EPHB2: variants seen among roughly 807,000 people sequenced by gnomAD.
EPHB2 encodes ephrin type-B receptor 2.
Under a neutral mutation model 96.4 loss-of-function variants are expected in EPHB2, and 18 were observed. The observed-to-expected ratio is 0.19, with a 90% CI of 0.13 to 0.28. The LOEUF (loss-of-function observed/expected upper bound fraction) is 0.28. Ranked by LOEUF, EPHB2 falls within the 10% of genes least tolerant of loss-of-function variation. EPHB2 has a pLI of 1.00. For missense variants in EPHB2, 989 were observed against 1,355.4 expected, an observed-to-expected ratio of 0.73 and a Z score of 4.25; for synonymous variants, 506 against 534.1, an observed-to-expected ratio of 0.95 and a Z score of 0.72.
rs146702623 is a variant in EPHB2 at position 22,913,091 on chromosome 1, G to T, written c.2853-371G>T. 159 of 367,086 alleles carry T rather than the reference G, an allele frequency of 4.3e-4. No homozygotes were observed. The highest frequency in any genetic ancestry group is 2.4e-3 in the African/African-American group (113 of 47,908). 22.7% of individuals were successfully genotyped at this position (367,086 alleles called of 1,614,324 possible). ...ACCTGTAATGCCAGCTACTCGGGAG[G>T]CTGAGGCAGGGGAATTGCTTGAACC... On this transcript the variant is annotated intron_variant, in intron 15 of 15. Coordinates refer to ENST00000374630, the MANE Select transcript of EPHB2 (RefSeq NM_017449.5). This position sits in a 1 kb window ranked among gnomAD's most constrained non-coding sequence, Gnocchi z 4.1.
Position 22,733,523 on chromosome 1 carries a change from G to A in EPHB2, c.61+22480G>A, listed in dbSNP as rs1009130307. ...AGTCATTTTAAAGGATTGATTTTAC[G>A]GAGTAGTTTTGCACGGTGGAAATCA... On this transcript the variant is annotated intron_variant, in intron 1 of 15. Transcript: ENST00000374630. The surrounding 1 kb of genome is among the most constrained non-coding windows in gnomAD (Gnocchi z 4.6). Among the ~76,000 whole-genome samples, 3 of 152,136 alleles carry A rather than the reference G, an allele frequency of 2.0e-5. No individual in the cohort carries two copies. Among genetic ancestry groups the A allele is most frequent in the South Asian group, 2.1e-4 (1 of 4,822 alleles).
At chr1:22,903,018 G>A (rs538058796) in intron 9 of EPHB2, among the ~76,000 whole-genome samples, 19 of 152,356 alleles carry the variant, frequency 1.2e-4, no homozygotes, top group African/African-American at 4.1e-4. Flanking sequence ...GAAACCCCTG[G>A]GTCAATAAGT....
rs569960708 is a variant in EPHB2, at chr1:22,906,731, G to A, written c.1910G>A (p.Ser637Asn). The stretch of plus-strand genomic sequence containing the variant: ...TCAGGGGAGTTTGGCGAGGTCTGCA[G>A]TGGCCACCTGAAGCTGCCAGGCAAG... Reference protein sequence around the residue: ...IGAGEFGEVCSGHLKLPGKRE... With the variant: ...IGAGEFGEVCNGHLKLPGKRE... Residue 637 changes from serine to asparagine, a missense_variant, in exon 11 of 16, where the codon AGT becomes AAT. Coordinates refer to ENST00000374630, the MANE Select transcript of EPHB2 (RefSeq NM_017449.5). The surrounding 1 kb of genome is among the most constrained non-coding windows in gnomAD (Gnocchi z 4.8). 1.2e-6 allele frequency: 2 copies of A among 1,614,212 alleles called. No individual in the cohort carries two copies. Among genetic ancestry groups the A allele is most frequent in the South Asian group, 1.1e-5 (1 of 91,080 alleles).
At chr1:22,857,341 T>C (rs1440914994) in intron 3 of EPHB2, among the ~76,000 whole-genome samples, 2 of 152,104 alleles carry the variant, frequency 1.3e-5, no homozygotes, top group Non-Finnish European at 2.9e-5. Flanking sequence ...AGATGTGAGC[T>C]GGCGCTGTAG....
At chr1:22,786,677 C>G (rs575941276) in intron 3 of EPHB2, among the ~76,000 whole-genome samples, 2 of 152,258 alleles carry the variant, frequency 1.3e-5, no homozygotes, top group East Asian at 3.9e-4. Flanking sequence ...TCTCAAGAGA[C>G]AGCCTGGAGT....
chr1:22,889,526 G>C (rs1400602548), intron 6 of EPHB2, among the ~76,000 whole-genome samples: 1 of 152,212 alleles, frequency 6.6e-6, no homozygotes, highest in African/African-American at 2.4e-5. Flanking sequence ...AACCTGGGGG[G>C]ATCCAGAGAT....
intron 1 of EPHB2, among the ~76,000 whole-genome samples, chr1:22,748,040 G>C (rs1157462716): frequency 1.3e-5 from 2 of 152,204 alleles, no homozygotes; most frequent in East Asian, 1.9e-4. Flanking sequence ...GAATTTCCTA[G>C]TTCACATCCT....
intron 15 of EPHB2, 77 bp downstream of exon 15, chr1:22,912,676 G>A (rs1056594110): frequency 3.3e-5 from 53 of 1,594,352 alleles, no homozygotes; most frequent in Non-Finnish European, 4.2e-5. Context: ...GGGGTGATCT[G>A]GAGGGTGAGG....
At chr1:22,722,511 C>G (rs913837083) in intron 1 of EPHB2, among the ~76,000 whole-genome samples, 1 of 152,176 alleles carries the variant, frequency 6.6e-6, no homozygotes, top group Admixed American at 6.5e-5. Flanking sequence ...CTGTTAGGCA[C>G]TGGGAGGTGT....
chr1:22,845,116 C>A (rs887229470), intron 3 of EPHB2, among the ~76,000 whole-genome samples: 1 of 152,164 alleles, frequency 6.6e-6, no homozygotes, highest in Non-Finnish European at 1.5e-5. Flanking sequence ...GAGTGGTGAG[C>A]GAGCAGTGGC....
chr1:22,799,347 A>G (rs2148444949), intron 3 of EPHB2, among the ~76,000 whole-genome samples: 1 of 152,292 alleles, frequency 6.6e-6, no homozygotes, highest in Middle Eastern at 3.4e-3. Context: ...GGTTTAGCAA[A>G]ATAGGTAAGA....
rs148914922 is a variant in EPHB2, at chr1:22,733,652, G to A, written c.61+22609G>A. Among the ~76,000 whole-genome samples, 1 of 152,320 alleles carries A rather than the reference G, an allele frequency of 6.6e-6. No homozygotes were observed. Among genetic ancestry groups the A allele is most frequent in the East Asian group, 1.9e-4 (1 of 5,178 alleles). On this transcript the variant is annotated intron_variant, in intron 1 of 15. Transcript: ENST00000374630. This position sits in a 1 kb window ranked among gnomAD's most constrained non-coding sequence, Gnocchi z 4.6. The stretch of plus-strand genomic sequence containing the variant: ...TTTTAGAGGAAAACTGAATCTCTGA[G>A]AGGTTCAGTAAATTGCCCAAGGCCA...
chr1:22,779,209 C>T (rs1481914930), intron 1 of EPHB2, among the ~76,000 whole-genome samples: 1 of 152,176 alleles, frequency 6.6e-6, no homozygotes, highest in Non-Finnish European at 1.5e-5. Context: ...AAAAGGAACC[C>T]TTTTTTCAGC....
At chr1:22,804,337 G>C (rs1245039418) in intron 3 of EPHB2, among the ~76,000 whole-genome samples, 1 of 152,108 alleles carries the variant, frequency 6.6e-6, no homozygotes, top group African/African-American at 2.4e-5. Context: ...TCCTTACCTA[G>C]TGCCTTTAAG....
At chr1:22,888,734 A>G (rs918938255) in intron 6 of EPHB2, among the ~76,000 whole-genome samples, 2 of 152,196 alleles carry the variant, frequency 1.3e-5, no homozygotes, top group Non-Finnish European at 2.9e-5. Flanking sequence ...ATCAAATTTT[A>G]TCTTCACAAC....
intron 3 of EPHB2, among the ~76,000 whole-genome samples, chr1:22,824,592 C>A (rs566373952): frequency 6.6e-6 from 1 of 152,252 alleles, no homozygotes; most frequent in Admixed American, 6.5e-5. Flanking sequence ...GAGGCTGGGC[C>A]TGCCATTGGG....
intron 3 of EPHB2, among the ~76,000 whole-genome samples, chr1:22,786,642 G>T (rs1415689049): frequency 6.6e-6 from 1 of 152,220 alleles, no homozygotes; most frequent in Non-Finnish European, 1.5e-5. Flanking sequence ...GGAGGAAGGG[G>T]CCTATAAGGG....
intron 3 of EPHB2, among the ~76,000 whole-genome samples, chr1:22,835,518 G>C (rs961699805): frequency 6.6e-6 from 1 of 152,256 alleles, no homozygotes; most frequent in African/African-American, 2.4e-5. Context: ...GCACATGTAA[G>C]CACATTTTAT....
chr1:22,914,198 G>C lies in EPHB2; in HGVS notation c.*628G>C. 1 of 257,488 alleles carries C rather than the reference G, an allele frequency of 3.9e-6. No individual in the cohort carries two copies. Among genetic ancestry groups the C allele is most frequent in the Non-Finnish European group, 7.4e-6 (1 of 135,054 alleles). The allele number at this position is 257,488 out of a possible 1,614,324, so 16.0% of individuals were successfully genotyped here. A position where few individuals can be genotyped will look rare whatever the true frequency, so the allele number is the denominator to read the frequency against. On this transcript the variant is annotated 3_prime_UTR_variant, in exon 16 of 16. Coordinates refer to ENST00000374630, the MANE Select transcript of EPHB2 (RefSeq NM_017449.5). Reference sequence around the variant, plus strand: ...TTTAGAAACTCCAATGAAAGACACTGTTTCTCCTGTTGGCTCACAGGGCTG... The same window carrying C: ...TTTAGAAACTCCAATGAAAGACACTCTTTCTCCTGTTGGCTCACAGGGCTG...
Sources: allele counts gnomAD v4.1 joint callset (sites outside exome capture counted in the v4.1 genomes callset), GRCh38; gene constraint gnomAD v4.1.1; non-coding constraint Gnocchi (gnomAD v3.1); transcripts MANE v1.5; gene names NCBI Gene and HGNC (gene_info 2026-07-23, HGNC 2026-07-21).